Variants in NEDD4L observed in about 807,000 individuals in gnomAD.
NEDD4L encodes NEDD4 like E3 ubiquitin protein ligase.
Under a neutral mutation model 148.9 loss-of-function variants are expected in NEDD4L, and 54 were observed. The observed-to-expected ratio is 0.36, with a 90% confidence interval of 0.29 to 0.45. NEDD4L has a LOEUF of 0.45. Among genes scored for constraint, NEDD4L ranks in the 20% least tolerant of loss-of-function variants. NEDD4L has a pLI of 1.00. For synonymous variants in NEDD4L, 433 were observed against 440.7 expected (o/e 0.98, Z 0.22); for missense variants, 856 against 1,233.8 (o/e 0.69, Z 4.59).
At chr18:58,260,066 A>G (rs962413594) in intron 5 of NEDD4L, among the ~76,000 whole-genome samples, 1 of 152,206 alleles carries the variant, frequency 6.6e-6, no homozygotes. Context: ...TTAAAACATA[A>G]CAACACAGGA....
chr18:58,289,944 A>G (rs2054477039), intron 5 of NEDD4L, among the ~76,000 whole-genome samples: 1 of 152,246 alleles, frequency 6.6e-6, no homozygotes, highest in African/African-American at 2.4e-5. Flanking sequence ...AATTAAGTAA[A>G]TTGACTTTCA....
chr18:58,265,350 G>A lies in NEDD4L; in HGVS notation c.297+13296G>A, dbSNP rs116306834. 2.3e-3 allele frequency among the ~76,000 whole-genome samples: 343 copies of A among 152,134 alleles called. 2 individuals carry two copies. The highest frequency in any genetic ancestry group is 7.9e-3 in the African/African-American group (328 of 41,502). ...AATTCCTCTCTTTTCCATCAAATGT[G>A]GAGTTGGATGAATTCCTTCCTTGCT... On this transcript the variant is annotated intron_variant, in intron 5 of 30. Coordinates refer to ENST00000400345, the MANE Select transcript of NEDD4L (RefSeq NM_001144967.3).
chr18:58,088,507 G>GCCT (rs1360766765), intron 1 of NEDD4L, among the ~76,000 whole-genome samples: 1 of 152,138 alleles, frequency 6.6e-6, no homozygotes, highest in Non-Finnish European at 1.5e-5. Flanking sequence ...TTACCCTTGG[G>GCCT]CCTCTATATA....
In NEDD4L at chr18:58,130,647, TTTGG is replaced by T. The variant is rs1429306259; in HGVS notation, c.49-35137_49-35134del. Among the ~76,000 whole-genome samples, 24 of 129,128 alleles carry T rather than the reference TTTGG, an allele frequency of 1.9e-4. 1 individual carries two copies. The highest frequency in any genetic ancestry group is 1.4e-3 in the East Asian group (6 of 4,286). 84.7% of individuals were successfully genotyped at this position (129,128 alleles called of 152,430 possible). A position where few individuals can be genotyped will look rare whatever the true frequency, so the allele number is the denominator to read the frequency against. ...GTGGCGGTGTTGGGCTCTGTTGGGG[TTTGG>T]TTGACTGTGATCTAGCAGAACAGTG... On this transcript the variant is annotated intron_variant, in intron 1 of 30. Transcript: ENST00000400345.
At chr18:58,090,026 G>C (rs1167793932) in intron 1 of NEDD4L, among the ~76,000 whole-genome samples, 2 of 152,042 alleles carry the variant, frequency 1.3e-5, no homozygotes, top group African/African-American at 4.8e-5. Flanking sequence ...TTTTAGTAGA[G>C]ACGGGGTTTC....
chr18:58,317,858 C>G (rs2058431635), intron 6 of NEDD4L, among the ~76,000 whole-genome samples: 1 of 152,176 alleles, frequency 6.6e-6, no homozygotes. Flanking sequence ...CAGTGGCGTG[C>G]TTCACCTCCA....
At chr18:58,213,816 A>G (rs1007830755) in intron 2 of NEDD4L, among the ~76,000 whole-genome samples, 1 of 152,058 alleles carries the variant, frequency 6.6e-6, no homozygotes, top group African/African-American at 2.4e-5. Flanking sequence ...CTTAGATTTT[A>G]CGAGCATATT....
chr18:58,284,990 T>C (rs1169677297), intron 5 of NEDD4L, among the ~76,000 whole-genome samples: 1 of 152,216 alleles, frequency 6.6e-6, no homozygotes, highest in Non-Finnish European at 1.5e-5. Context: ...CCATGATACA[T>C]ACTCTCTCTC....
chr18:58,256,124 C>G lies in NEDD4L; in HGVS notation c.297+4070C>G. 2.4e-6 allele frequency: 3 copies of G among 1,225,820 alleles called. No homozygotes were observed. The highest frequency in any genetic ancestry group is 3.0e-6 in the Non-Finnish European group (3 of 984,210). The allele number at this position is 1,225,820 out of a possible 1,614,324, so 75.9% of individuals were successfully genotyped here. On this transcript the variant is annotated intron_variant, in intron 5 of 30. Coordinates refer to ENST00000400345, the MANE Select transcript of NEDD4L (RefSeq NM_001144967.3). The surrounding 1 kb of genome is among the most constrained non-coding windows in gnomAD (Gnocchi z 5.2). ...CTCCCCTCCGAGGGCAGCCCGGGAC[C>G]CAGGGCTCCAGGTCAACGGCACGTG...
chr18:58,334,867 G>A (rs2041509707), intron 12 of NEDD4L, among the ~76,000 whole-genome samples: 1 of 152,162 alleles, frequency 6.6e-6, no homozygotes, highest in Non-Finnish European at 1.5e-5. Flanking sequence ...TTACACTGGA[G>A]AGACTTAATA....
chr18:58,291,684 A>G (rs2054788153), intron 5 of NEDD4L, among the ~76,000 whole-genome samples: 1 of 152,220 alleles, frequency 6.6e-6, no homozygotes, highest in South Asian at 2.1e-4. Context: ...GCTAATCTGG[A>G]GTATCAGTTT....
chr18:58,050,122 T>C (rs909332836), intron 1 of NEDD4L, among the ~76,000 whole-genome samples: 2 of 152,198 alleles, frequency 1.3e-5, no homozygotes, highest in African/African-American at 4.8e-5. Context: ...GTTTATTTCA[T>C]TATTGAACAT....
chr18:58,256,866 C>T lies in NEDD4L; in HGVS notation c.297+4812C>T, dbSNP rs2048658489. The T allele has an allele frequency of 4.4e-6, 5 of 1,126,682 alleles. No homozygotes were observed. Among genetic ancestry groups the T allele is most frequent in the African/African-American group, 3.2e-5 (2 of 62,430 alleles). 69.8% of individuals were successfully genotyped at this position (1,126,682 alleles called of 1,614,324 possible). A position where few individuals can be genotyped will look rare whatever the true frequency, so the allele number is the denominator to read the frequency against. The stretch of plus-strand genomic sequence containing the variant: ...CAAAATAAAACCTCACCCTCTGTTC[C>T]GGGAGTTTCCCTGCTTCAGGCCAGT... On this transcript the variant is annotated intron_variant, in intron 5 of 30. Coordinates refer to ENST00000400345, the MANE Select transcript of NEDD4L (RefSeq NM_001144967.3). This position sits in a 1 kb window ranked among gnomAD's most constrained non-coding sequence, Gnocchi z 5.2.
chr18:58,274,906 T>G (rs2051641001), intron 5 of NEDD4L, among the ~76,000 whole-genome samples: 1 of 152,220 alleles, frequency 6.6e-6, no homozygotes, highest in South Asian at 2.1e-4. Context: ...ATAATTTGAT[T>G]TCTGTAGCAT....
chr18:58,364,240 T>C, intron 19 of NEDD4L, 28 bp from the exon 20 acceptor site: 3 of 1,358,306 alleles, frequency 2.2e-6, no homozygotes, highest in Non-Finnish European at 3.1e-6. Context: ...TTGTTTGCAT[T>C]ATCTATATTT....
chr18:58,245,492 CA>C lies in NEDD4L; in HGVS notation c.193del (p.Thr65GlnfsTer6). ...DENRELALVQ[T>X]KTIKKTLNPK... is the part of the protein sequence containing the mutation. ...AATAGAGAACTTGCTTTGGTCCAGACAAAAACAATTAAAAAGGTAGGTGTCG... is the reference window on the plus strand; with the variant it reads ...AATAGAGAACTTGCTTTGGTCCAGACAAAACAATTAAAAAGGTAGGTGTCG... On this transcript the variant is annotated frameshift_variant, in exon 3 of 31. Transcript: ENST00000400345. LOFTEE classifies it high-confidence loss of function. 1 of 1,567,202 alleles carries C rather than the reference CA, an allele frequency of 6.4e-7. No homozygotes were observed. Among genetic ancestry groups the C allele is most frequent in the Non-Finnish European group, 8.7e-7 (1 of 1,145,480 alleles).
At chr18:58,250,818 G>T (rs2047835220) in intron 4 of NEDD4L, among the ~76,000 whole-genome samples, 2 of 152,188 alleles carry the variant, frequency 1.3e-5, no homozygotes, top group South Asian at 4.1e-4. Flanking sequence ...TTGTTTCAAG[G>T]ATTTGCATGC....
At chr18:58,116,715 G>T (rs2145751802) in intron 1 of NEDD4L, among the ~76,000 whole-genome samples, 1 of 152,314 alleles carries the variant, frequency 6.6e-6, no homozygotes, top group Middle Eastern at 3.4e-3. Flanking sequence ...TCTATGTCCA[G>T]GCCAGTGGGC....
At chr18:58,065,012 G>T (rs2082527470) in intron 1 of NEDD4L, among the ~76,000 whole-genome samples, 2 of 152,166 alleles carry the variant, frequency 1.3e-5, no homozygotes, top group Admixed American at 6.5e-5. Context: ...CACGTATTTT[G>T]CTCACAGGTG....
Sources: allele counts gnomAD v4.1 joint callset (sites outside exome capture counted in the v4.1 genomes callset), GRCh38; gene constraint gnomAD v4.1.1; non-coding constraint Gnocchi (gnomAD v3.1); transcripts MANE v1.5; gene names NCBI Gene and HGNC (gene_info 2026-07-23, HGNC 2026-07-21).